LRRC72: variants seen among roughly 807,000 people sequenced by gnomAD.
The protein encoded by LRRC72 is leucine rich repeat containing 72, also known as leucine-rich repeat-containing protein 72.
A neutral mutation model predicts 35.8 loss-of-function variants in LRRC72; 41 were observed. The ratio of observed to expected loss-of-function variants is 1.15; its 90% confidence interval spans 0.89 to 1.49. The LOEUF is 1.49. Ranked by LOEUF, LRRC72 falls within the 40% of genes most tolerant of loss-of-function variation. The pLI is 0.00. For synonymous variants in LRRC72, 118 were observed against 119.2 expected (o/e 0.99, Z 0.07); for missense variants, 389 against 330.7 (o/e 1.18, Z -1.37).
chr7:16,542,752 G>T (rs1481647668), intron 3 of LRRC72, among the ~76,000 whole-genome samples: 4 of 152,208 alleles, frequency 2.6e-5, no homozygotes, highest in Non-Finnish European at 4.4e-5. Context: ...TGAGAGAGGT[G>T]TGTAGCTTTT....
intron 6 of LRRC72, 73 bp downstream of exon 6, chr7:16,566,475 C>G: frequency 1.1e-6 from 1 of 872,968 alleles, no homozygotes; most frequent in East Asian, 2.9e-5. Context: ...AAAACGAAGA[C>G]TACCTTTGAA....
intron 1 of LRRC72, chr7:16,530,592 A>G (rs1782144903): frequency 6.6e-6 from 1 of 152,228 alleles, no homozygotes; most frequent in Non-Finnish European, 1.5e-5. Context: ...AAACTACTTC[A>G]CAGTATTCCA....
intron 3 of LRRC72, among the ~76,000 whole-genome samples, chr7:16,548,545 T>C (rs1782491427): frequency 6.6e-6 from 1 of 152,260 alleles, no homozygotes; most frequent in Non-Finnish European, 1.5e-5. Flanking sequence ...TCGTGGAAGC[T>C]GCTTTTGATA....
chr7:16,528,381 C>A (rs193215333), intron 1 of LRRC72, among the ~76,000 whole-genome samples: 40 of 152,194 alleles, frequency 2.6e-4, no homozygotes, highest in African/African-American at 9.4e-4. Context: ...TTCTGGTGGG[C>A]GCCTTGACCA....
At chr7:16,534,218 C>T (rs1782215061) in intron 2 of LRRC72, among the ~76,000 whole-genome samples, 1 of 152,154 alleles carries the variant, frequency 6.6e-6, no homozygotes, top group South Asian at 2.1e-4. Flanking sequence ...GGAGAACATA[C>T]ATTGTAACAA....
chr7:16,566,442 T>G, intron 6 of LRRC72, 40 bp downstream of exon 6: 1 of 1,362,358 alleles, frequency 7.3e-7, no homozygotes, highest in Non-Finnish European at 1.0e-6. Flanking sequence ...ATTTGAGAAG[T>G]AGTCTTATAG....
intron 2 of LRRC72, among the ~76,000 whole-genome samples, chr7:16,535,864 T>C (rs1430237996): frequency 2.0e-5 from 3 of 152,158 alleles, no homozygotes; most frequent in African/African-American, 7.2e-5. Flanking sequence ...AAGCTAATGT[T>C]TTCTGGTTTT....
intron 5 of LRRC72, among the ~76,000 whole-genome samples, chr7:16,559,276 C>T (rs1051920060): frequency 5.9e-5 from 9 of 152,070 alleles, no homozygotes; most frequent in Admixed American, 5.9e-4. Flanking sequence ...TGCCTGTAAT[C>T]CCAGCTACTT....
intron 3 of LRRC72, among the ~76,000 whole-genome samples, chr7:16,552,806 C>A (rs2128336665): frequency 6.6e-6 from 1 of 152,246 alleles, no homozygotes; most frequent in South Asian, 2.1e-4. Flanking sequence ...TGAGAATGAG[C>A]TGCGCTGGAC....
intron 8 of LRRC72, 101 bp from the exon 9 acceptor site, chr7:16,581,223 C>A: frequency 9.2e-7 from 1 of 1,092,550 alleles, no homozygotes; most frequent in Non-Finnish European, 1.2e-6. Flanking sequence ...ACAAATAACA[C>A]AGAAAAACAT....
chr7:16,547,390 G>A (rs2128336076), intron 3 of LRRC72, among the ~76,000 whole-genome samples: 1 of 152,172 alleles, frequency 6.6e-6, no homozygotes, highest in East Asian at 1.9e-4. Flanking sequence ...AGCTCCCCAG[G>A]CACAACTACA....
At chr7:16,529,023 C>T (rs538595663) in intron 1 of LRRC72, among the ~76,000 whole-genome samples, 1 of 152,126 alleles carries the variant, frequency 6.6e-6, no homozygotes, top group South Asian at 2.1e-4. Context: ...TGTACATATA[C>T]ATGTGTTTAT....
chr7:16,560,467 G>T (rs1444665566), intron 5 of LRRC72, among the ~76,000 whole-genome samples: 1 of 152,152 alleles, frequency 6.6e-6, no homozygotes, highest in Non-Finnish European at 1.5e-5. Context: ...TTGGAGACGT[G>T]AGAAGGCTGC....
At chr7:16,539,908 G>A (rs888379857) in intron 3 of LRRC72, among the ~76,000 whole-genome samples, 1 of 152,240 alleles carries the variant, frequency 6.6e-6, no homozygotes, top group Non-Finnish European at 1.5e-5. Context: ...GAAGTCTGCT[G>A]CAAGGGTGGA....
chr7:16,567,525 G>T lies in LRRC72; in HGVS notation c.652G>T (p.Ala218Ser), dbSNP rs1326423195. 5 of 1,354,172 alleles carry T rather than the reference G, an allele frequency of 3.7e-6. No homozygotes were observed. Among genetic ancestry groups the T allele is most frequent in the South Asian group, 1.7e-5 (1 of 58,380 alleles). 83.9% of individuals were successfully genotyped at this position (1,354,172 alleles called of 1,614,324 possible). The change falls in exon 7 of 9, where the codon GCC becomes TCC. Residue 218 changes from alanine (A) to serine (S), a missense_variant. Physicochemically the swap from Ala to Ser is moderately conservative, Grantham distance 99. Transcript: ENST00000401542. ...DPKSPFKQKPAQRVPSDFAFA... is the reference protein window; with the variant it reads ...DPKSPFKQKPSQRVPSDFAFA... ...TAAATCACCATTTAAGCAAAAACCA[G>T]CCCAGAGAGTACCTTCAGGTATTTC...
intron 3 of LRRC72, among the ~76,000 whole-genome samples, chr7:16,540,796 T>G (rs1005976563): frequency 5.3e-5 from 8 of 152,178 alleles, no homozygotes; most frequent in African/African-American, 1.9e-4. Context: ...TGCTTCCCCT[T>G]TGCCTTACAC....
In LRRC72 at chr7:16,557,448, C is replaced by G. The variant is rs200402980; in HGVS notation, c.316+7C>G. 2 of 1,115,926 alleles carry G rather than the reference C, an allele frequency of 1.8e-6. No individual in the cohort carries two copies. The highest frequency in any genetic ancestry group is 2.8e-5 in the South Asian group (1 of 36,338). The allele number at this position is 1,115,926 out of a possible 1,614,324, so 69.1% of individuals were successfully genotyped here. ...GCAATATTTGAGATAGAAGGTACGT[C>G]TTAAATTCTCTGTTGATTTAATAAA... On this transcript the variant is annotated splice_region_variant and intron_variant, in intron 4 of 8. Coordinates refer to ENST00000401542, the MANE Select transcript of LRRC72 (RefSeq NM_001195280.2).
chr7:16,548,088 C>T (rs537661059), intron 3 of LRRC72, among the ~76,000 whole-genome samples: 32 of 152,308 alleles, frequency 2.1e-4, no homozygotes, highest in South Asian at 1.2e-3. Context: ...GACAACAGGA[C>T]GACCAGCTGC....
chr7:16,581,272 A>G (rs540421698), intron 8 of LRRC72, 52 bp from the exon 9 acceptor site: 1 of 1,407,694 alleles, frequency 7.1e-7, no homozygotes, highest in South Asian at 1.7e-5. Flanking sequence ...ATTTTGGTCA[A>G]ATTTTCATTT....
Sources: gnomAD v4.1 joint callset for allele counts (sites outside exome capture counted in the v4.1 genomes callset) on GRCh38, gnomAD v4.1.1 for gene constraint, MANE v1.5 for transcripts, NCBI Gene and HGNC (gene_info 2026-07-23, HGNC 2026-07-21) for gene names.